Variants in TGM7 observed in about 807,000 individuals in gnomAD.
TGM7 encodes the protein transglutaminase 7, also known as protein-glutamine gamma-glutamyltransferase Z.
Under a neutral mutation model 79.5 loss-of-function variants are expected in TGM7, and 74 were observed. The ratio of observed to expected loss-of-function variants is 0.93; its 90% CI spans 0.77 to 1.13. TGM7 has a LOEUF of 1.13. Among genes scored for constraint, TGM7 ranks in the 50% most tolerant of loss-of-function variants. The probability of loss-of-function intolerance (pLI) is 0.00; values close to 1 mark genes in which losing one functional copy is unlikely to be tolerated. For synonymous variants in TGM7, 354 were observed against 362.5 expected, an observed-to-expected ratio of 0.98 and a Z score of 0.27; for missense variants, 912 against 905.9, an observed-to-expected ratio of 1.01 and a Z score of -0.09.
At position 43,292,729 on chromosome 15, in the gene TGM7, A is replaced by G; in HGVS notation, c.419T>C (p.Leu140Pro). 1 of 1,614,152 alleles carries G rather than the reference A, an allele frequency of 6.2e-7. No homozygotes were observed. The highest frequency in any genetic ancestry group is 8.5e-7 in the Non-Finnish European group (1 of 1,180,036). The change falls in exon 3 of 13, where the codon CTT becomes CCT. Residue 140 changes from leucine to proline, a missense_variant. Leu to Pro is a moderately conservative substitution (Grantham distance 98). Coordinates refer to ENST00000452443, the MANE Select transcript of TGM7 (RefSeq NM_052955.3). The stretch of plus-strand genomic sequence containing the variant: ...CCTACCTGGACTCCAAGGGTTAAAA[A>G]GTAGGATGAAAGTTCCCAGCGGGTA... ...VTYPLGTFILLFNPWSPEDDV... is the reference protein window; with the variant it reads ...VTYPLGTFILPFNPWSPEDDV...
chr15:43,276,761 C>A, intron 12 of TGM7, 101 bp downstream of exon 12: 1 of 1,544,406 alleles, frequency 6.5e-7, no homozygotes, highest in Non-Finnish European at 8.7e-7. Context: ...AAAGTGGGGG[C>A]AGAGAGGCAC....
At chr15:43,288,292 C>T (rs987773239) in intron 4 of TGM7, among the ~76,000 whole-genome samples, 4 of 152,126 alleles carry the variant, frequency 2.6e-5, no homozygotes, top group South Asian at 4.1e-4. Flanking sequence ...CAGGTCGCCA[C>T]GGTTGGAGAA....
chr15:43,289,560 A>T (rs866702241), intron 4 of TGM7, among the ~76,000 whole-genome samples: 2 of 151,294 alleles, frequency 1.3e-5, no homozygotes, highest in Non-Finnish European at 3.0e-5. Context: ...ATGATTTATA[A>T]TCCTTTGGGT....
At chr15:43,282,776 C>A (rs2042916132) in intron 7 of TGM7, among the ~76,000 whole-genome samples, 156 bp from the exon 8 acceptor site, 1 of 152,144 alleles carries the variant, frequency 6.6e-6, no homozygotes, top group African/African-American at 2.4e-5. Context: ...ACAGGCTGGG[C>A]GCGGTGACTC....
At chr15:43,276,806 T>C in intron 12 of TGM7, 56 bp downstream of exon 12, 1 of 1,595,554 alleles carries the variant, frequency 6.3e-7, no homozygotes, top group East Asian at 2.2e-5. Flanking sequence ...TGTGACGCCA[T>C]GGGGCACCCC....
intron 4 of TGM7, among the ~76,000 whole-genome samples, chr15:43,291,125 C>T (rs900714937): frequency 2.0e-5 from 3 of 152,178 alleles, no homozygotes; most frequent in Non-Finnish European, 2.9e-5. Flanking sequence ...TGAGAGAGGG[C>T]GTCCCTGTCT....
chr15:43,293,453 C>T lies in TGM7; in HGVS notation c.189G>A (p.Glu63=). Residue 63 remains glutamate (E), a synonymous_variant, in exon 2 of 13, where the codon GAG becomes GAA. Transcript: ENST00000452443. ...CTTGGGACAGGGCAAACTCACCGGT[C>T]TCAGCCACAAAGGTGATGTGGTCGT... The part of the protein sequence containing the change: ...SQNDHITFVA[E]TGPKPSELLG... The T allele has an allele frequency of 1.3e-6, 2 of 1,599,902 alleles. No homozygotes were observed. Among genetic ancestry groups the T allele is most frequent in the Non-Finnish European group, 1.7e-6 (2 of 1,170,692 alleles).
At chr15:43,302,211 C>A in intron 1 of TGM7, 30 bp downstream of exon 1, 1 of 1,614,130 alleles carries the variant, frequency 6.2e-7, no homozygotes, top group Admixed American at 1.7e-5. Context: ...TTAGCACCTC[C>A]GAAAAGGTAA....
rs539340058 is a variant in TGM7 at position 43,291,014 on chromosome 15, G to C, written c.558+965C>G. On this transcript the variant is annotated intron_variant, in intron 4 of 12. Coordinates refer to ENST00000452443, the MANE Select transcript of TGM7 (RefSeq NM_052955.3). The stretch of plus-strand genomic sequence containing the variant: ...TACAATCATGTCATCTGCAAACAGG[G>C]ACACTTTGACTTCCTCTTTTCCTAA... Among the ~76,000 whole-genome samples the C allele has an allele frequency of 3.9e-5, 6 of 152,316 alleles. No individual in the cohort carries two copies. The South Asian group carries it at 1.2e-3, about 32-fold the overall frequency.
intron 1 of TGM7, 86 bp downstream of exon 1, chr15:43,302,155 C>T (rs1232022610): frequency 1.3e-6 from 2 of 1,532,306 alleles, no homozygotes; most frequent in African/African-American, 1.4e-5. Flanking sequence ...TCTCCTGTCG[C>T]TTCCCTACAT....
rs1181007917 is a variant in TGM7 at position 43,279,656 on chromosome 15, G to A, written c.1647C>T (p.His549=). The A allele has an allele frequency of 6.2e-7, 1 of 1,609,012 alleles. No homozygotes were observed. Among genetic ancestry groups the A allele is most frequent in the Admixed American group, 1.7e-5 (1 of 59,464 alleles). Residue 549 remains histidine, a synonymous_variant, in exon 10 of 13, where the codon CAC becomes CAT. Coordinates refer to ENST00000452443, the MANE Select transcript of TGM7 (RefSeq NM_052955.3). ...CAAAGTCCAGGTTCATCCGCACTGT[G>A]TGCCTCCAGAAGGGCTTCTGGGTAC... is the stretch of plus-strand genomic sequence containing the variant. ...GGGTQKPFWR[H]TVRMNLDFGK...
intron 1 of TGM7, among the ~76,000 whole-genome samples, chr15:43,298,584 CT>C (rs1211143001): frequency 6.6e-6 from 1 of 152,022 alleles, no homozygotes; most frequent in African/African-American, 2.4e-5. Flanking sequence ...GAAACCTTGT[CT>C]CTACTAAAAA....
At chr15:43,276,701 G>T (rs540337097) in intron 12 of TGM7, 87 bp from the exon 13 acceptor site, 1 of 1,541,548 alleles carries the variant, frequency 6.5e-7, no homozygotes, top group Non-Finnish European at 8.7e-7. Context: ...TGGGTAAGAG[G>T]CTCCCACTCA....
chr15:43,289,289 A>G (rs1277248352), intron 4 of TGM7, among the ~76,000 whole-genome samples: 1 of 151,720 alleles, frequency 6.6e-6, no homozygotes, highest in Non-Finnish European at 1.5e-5. Context: ...TTCAATTCCC[A>G]CCTATGAGTG....
At chr15:43,301,851 G>A (rs1276234819) in intron 1 of TGM7, among the ~76,000 whole-genome samples, 1 of 152,004 alleles carries the variant, frequency 6.6e-6, no homozygotes, top group Non-Finnish European at 1.5e-5. Flanking sequence ...GGAGAAGCTG[G>A]ACAAGGGAGA....
At chr15:43,287,768 G>C in intron 4 of TGM7, 99 bp from the exon 5 acceptor site, 1 of 1,409,930 alleles carries the variant, frequency 7.1e-7, no homozygotes, top group Non-Finnish European at 9.6e-7. Flanking sequence ...CATGTATATG[G>C]GGATGTGGGG....
At position 43,287,637 on chromosome 15, in the gene TGM7, C is replaced by A. The variant is rs747000471; in HGVS notation, c.591G>T (p.Glu197Asp). 8.7e-6 allele frequency: 14 copies of A among 1,613,908 alleles called. No individual in the cohort carries two copies. The highest frequency in any genetic ancestry group is 1.1e-5 in the Non-Finnish European group (13 of 1,180,014). ...FEEDIIDICF[E>D]ILNKSLYHLK... ...AGTGATACAGGCTCTTGTTCAGGAT[C>A]TCAAAGCAGATGTCTATGATGTCCT... The change falls in exon 5 of 13, where the codon GAG becomes GAT. Residue 197 changes from glutamate to aspartate, a missense_variant. Physicochemically the swap from Glu to Asp is conservative, Grantham distance 45 (BLOSUM62 2). Coordinates refer to ENST00000452443, the MANE Select transcript of TGM7 (RefSeq NM_052955.3).
rs1566846223 is a variant in TGM7 at position 43,292,139 on chromosome 15, AAAAAAACAGAGTATTAAATT to A, written c.440-62_440-43del. On this transcript the variant is annotated intron_variant, in intron 3 of 12. Coordinates refer to ENST00000452443, the MANE Select transcript of TGM7 (RefSeq NM_052955.3). The stretch of plus-strand genomic sequence containing the variant: ...AGTGGAGGGGGCAAAACCCCAAACC[AAAAAAACAGAGTATTAAATT>A]AAAAAACAGTAACGACAACGTGTTT... 5.9e-6 allele frequency: 8 copies of A among 1,346,712 alleles called. No individual in the cohort carries two copies. The Middle Eastern group carries it at 7.2e-4, about 121-fold the overall frequency. The allele number at this position is 1,346,712 out of a possible 1,614,324, so 83.4% of individuals were successfully genotyped here.
chr15:43,277,490 T>A (rs1359358935), intron 11 of TGM7, among the ~76,000 whole-genome samples: 2 of 152,192 alleles, frequency 1.3e-5, no homozygotes, highest in East Asian at 1.9e-4. Flanking sequence ...CATGATGTGT[T>A]AATGGCAGAG....
Sources: allele counts gnomAD v4.1 joint callset (sites outside exome capture counted in the v4.1 genomes callset), GRCh38; gene constraint gnomAD v4.1.1; transcripts MANE v1.5; gene names NCBI Gene and HGNC (gene_info 2026-07-23, HGNC 2026-07-21).